CATSPERB: variants seen among roughly 807,000 people sequenced by gnomAD.
CATSPERB encodes the protein catsper channel auxiliary subunit beta.
In CATSPERB, 93 loss-of-function variants were observed where a neutral mutation model predicts 128.3. That is an observed-to-expected ratio of 0.72 (90% CI 0.61 to 0.86). The LOEUF (loss-of-function observed/expected upper bound fraction) is 0.86. Ranked by LOEUF, CATSPERB falls within the 40% of genes least tolerant of loss-of-function variation. CATSPERB has a pLI of 0.00. For missense variants in CATSPERB, 1,153 were observed against 1,329.5 expected (o/e 0.87, Z 2.06); for synonymous variants, 381 against 448.8 (o/e 0.85, Z 1.91).
intron 4 of CATSPERB, among the ~76,000 whole-genome samples, chr14:91,720,285 T>C (rs1896008359): frequency 6.6e-6 from 1 of 151,730 alleles, no homozygotes; most frequent in South Asian, 2.1e-4. Context: ...AATGCTGAAA[T>C]AAAGTGAAGT....
intron 5 of CATSPERB, among the ~76,000 whole-genome samples, chr14:91,714,717 G>A (rs755777940): frequency 1.3e-5 from 2 of 151,672 alleles, no homozygotes; most frequent in African/African-American, 4.8e-5. Context: ...CCTCCACTGC[G>A]CCCGGCTAAT....
chr14:91,652,751 C>T (rs1453956987), intron 15 of CATSPERB, among the ~76,000 whole-genome samples: 6 of 144,516 alleles, frequency 4.2e-5, no homozygotes, highest in Admixed American at 6.9e-5. Context: ...ATACTGGAAA[C>T]GTTCAACATT....
intron 17 of CATSPERB, among the ~76,000 whole-genome samples, chr14:91,634,370 G>A (rs879750474): frequency 2.0e-5 from 3 of 152,032 alleles, no homozygotes; most frequent in Non-Finnish European, 4.4e-5. Context: ...AAGTGGACCT[G>A]CACAGTTCAA....
chr14:91,713,347 T>A (rs1054178429), intron 5 of CATSPERB, among the ~76,000 whole-genome samples: 1 of 151,610 alleles, frequency 6.6e-6, no homozygotes. Flanking sequence ...GAGTGACAAC[T>A]GATGAAATTA....
chr14:91,609,206 T>A (rs981976201), intron 21 of CATSPERB, among the ~76,000 whole-genome samples: 1 of 152,214 alleles, frequency 6.6e-6, no homozygotes, highest in Non-Finnish European at 1.5e-5. Context: ...TCACCTTTTT[T>A]TTTTTGTAAT....
At chr14:91,730,298 G>A (rs1222811044) in intron 1 of CATSPERB, among the ~76,000 whole-genome samples, 2 of 152,110 alleles carry the variant, frequency 1.3e-5, no homozygotes, top group African/African-American at 4.8e-5. Flanking sequence ...GACATTCAGA[G>A]GGAAGATGAA....
chr14:91,719,539 T>A (rs559225026), intron 4 of CATSPERB, 61 bp from the exon 5 acceptor site: 1 of 1,247,442 alleles, frequency 8.0e-7, no homozygotes, highest in Non-Finnish European at 1.2e-6. Flanking sequence ...CACATCACAT[T>A]CTATGCTATA....
chr14:91,604,832 T>C (rs1893669924), intron 22 of CATSPERB: 1 of 1,523,466 alleles, frequency 6.6e-7, no homozygotes, highest in South Asian at 1.1e-5. Context: ...AGTCACACCA[T>C]TGCTATTCTT....
chr14:91,703,439 A>T (rs1218208271), intron 7 of CATSPERB, among the ~76,000 whole-genome samples: 2 of 152,036 alleles, frequency 1.3e-5, no homozygotes, highest in Admixed American at 6.6e-5. Context: ...TTCCTGGGTG[A>T]TGGGATTGTC....
In CATSPERB at chr14:91,603,366, T is replaced by G. The variant is rs1595141723; in HGVS notation, c.2709+4928A>C. The G allele has an allele frequency of 1.9e-6, 3 of 1,609,950 alleles. No homozygotes were observed. The East Asian group carries it at 6.7e-5, about 36-fold the overall frequency. On this transcript the variant is annotated intron_variant, in intron 22 of 26. Coordinates refer to ENST00000256343, the MANE Select transcript of CATSPERB (RefSeq NM_024764.4). ...CACTACATCAGGTAACTTTTTACCT[T>G]TGCTAAATCCAACAGCCTCAATATT...
At chr14:91,606,021 C>A (rs1171096989) in intron 22 of CATSPERB, among the ~76,000 whole-genome samples, 1 of 151,712 alleles carries the variant, frequency 6.6e-6, no homozygotes, top group Non-Finnish European at 1.5e-5. Context: ...ACTAAAAATA[C>A]AAAAATTAGC....
chr14:91,725,097 G>T lies in CATSPERB; in HGVS notation c.151C>A (p.Leu51Ile). The T allele has an allele frequency of 2.5e-6, 4 of 1,578,078 alleles. No individual in the cohort carries two copies. Among genetic ancestry groups the T allele is most frequent in the Non-Finnish European group, 3.4e-6 (4 of 1,162,496 alleles). ...GACCTTACCAAGTTTTCTAAGAAAA[G>T]ATACAACTTGATTATTTCATTCTCT... Reference protein sequence around the residue: ...PQENEIIKLYLFLENLKIQCF... With the variant: ...PQENEIIKLYIFLENLKIQCF... The change falls in exon 3 of 27, where the codon CTT (leucine) becomes ATT (isoleucine). Residue 51 changes from leucine (L) to isoleucine (I), a missense_variant. Coordinates refer to ENST00000256343, the MANE Select transcript of CATSPERB (RefSeq NM_024764.4).
intron 22 of CATSPERB, among the ~76,000 whole-genome samples, chr14:91,595,690 G>GTCAAGTTTGCT (rs1893495953): frequency 6.6e-6 from 1 of 152,176 alleles, no homozygotes; most frequent in Non-Finnish European, 1.5e-5. Context: ...GGCTCCATAA[G>GTCAAGTTTGCT]TCAAGTTTGC....
chr14:91,705,965 A>G (rs577461171), intron 6 of CATSPERB, among the ~76,000 whole-genome samples: 1 of 147,402 alleles, frequency 6.8e-6, no homozygotes, highest in Admixed American at 6.6e-5. Flanking sequence ...AAAAAATGAG[A>G]AAAAAAAGAG....
intron 25 of CATSPERB, 44 bp from the exon 26 acceptor site, chr14:91,587,320 A>T: frequency 7.0e-7 from 1 of 1,430,118 alleles, no homozygotes. Flanking sequence ...ATCAACATGT[A>T]CATTCCTTTA....
chr14:91,662,148 C>G (rs1894897553), intron 14 of CATSPERB, among the ~76,000 whole-genome samples: 1 of 152,192 alleles, frequency 6.6e-6, no homozygotes, highest in East Asian at 1.9e-4. Context: ...TCCTGTTTCT[C>G]CCCATTCCTA....
At position 91,665,138 on chromosome 14, in the gene CATSPERB, T is replaced by C. The variant is rs148581894; in HGVS notation, c.1287+4676A>G. Among the ~76,000 whole-genome samples, 1,356 of 152,122 alleles carry C rather than the reference T, an allele frequency of 8.9e-3. 15 individuals are homozygous for C. The highest frequency in any genetic ancestry group is 0.044 in the Middle Eastern group (13 of 294). On this transcript the variant is annotated intron_variant, in intron 14 of 26. Transcript: ENST00000256343. ...GAACTCCTGAGCTCAGGCAATCCAC[T>C]CACCTTGACATCCCAAAGTGCTGGG...
chr14:91,725,753 A>C (rs989942165), intron 2 of CATSPERB, among the ~76,000 whole-genome samples: 3 of 152,192 alleles, frequency 2.0e-5, no homozygotes, highest in Non-Finnish European at 4.4e-5. Context: ...ACACAGACAG[A>C]AGACAGAAAT....
In CATSPERB at chr14:91,691,545, G is replaced by A; in HGVS notation, c.842C>T (p.Ala281Val). 1.2e-6 allele frequency: 2 copies of A among 1,603,438 alleles called. No individual in the cohort carries two copies. Among genetic ancestry groups the A allele is most frequent in the Non-Finnish European group, 8.5e-7 (1 of 1,174,564 alleles). ...PSRHSLSFSRADFCGFERVDY... is the reference protein window; with the variant it reads ...PSRHSLSFSRVDFCGFERVDY... ...TACCCTTTCAAAACCACAAAAGTCT[G>A]CCCTGGAAAACTAGAAGAAAAGAAG... Residue 281 changes from alanine to valine, a missense_variant, in exon 10 of 27, where the codon GCA becomes GTA. Physicochemically the swap from Ala to Val is moderately conservative, Grantham distance 64 (BLOSUM62 0). Coordinates refer to ENST00000256343, the MANE Select transcript of CATSPERB (RefSeq NM_024764.4).
Sources: gnomAD v4.1 joint callset for allele counts (sites outside exome capture counted in the v4.1 genomes callset) on GRCh38, gnomAD v4.1.1 for gene constraint, MANE v1.5 for transcripts, NCBI Gene and HGNC (gene_info 2026-07-23, HGNC 2026-07-21) for gene names.